SLC10A7: variants seen among roughly 807,000 people sequenced by gnomAD.
The protein encoded by SLC10A7 is sodium/bile acid cotransporter 7.
SLC10A7 carries 29 observed loss-of-function variants against 43.2 expected under a neutral mutation model. That is an observed-to-expected ratio of 0.67 (90% CI 0.50 to 0.92). The LOEUF (loss-of-function observed/expected upper bound fraction) is 0.92, where lower values mean the gene tolerates loss of function less well. Among genes scored for constraint, SLC10A7 ranks in the 40% least tolerant of loss-of-function variants. The pLI is 0.00. For synonymous variants in SLC10A7, 152 were observed against 144.8 expected (o/e 1.05, Z -0.35); for missense variants, 295 against 403.2 (o/e 0.73, Z 2.30).
chr4:146,418,967 T>C (rs548867246), intron 5 of SLC10A7, among the ~76,000 whole-genome samples: 18 of 152,158 alleles, frequency 1.2e-4, no homozygotes, highest in Non-Finnish European at 2.4e-4. Flanking sequence ...GTTTGCCAGA[T>C]TATGATAAAG....
intron 4 of SLC10A7, among the ~76,000 whole-genome samples, chr4:146,496,561 A>G (rs902842197): frequency 2.0e-5 from 3 of 152,170 alleles, no homozygotes; most frequent in Non-Finnish European, 4.4e-5. Context: ...TCAGGGGGAA[A>G]GCAGGTCTTA....
chr4:146,487,114 G>C lies in SLC10A7; in HGVS notation c.396+16735C>G, dbSNP rs573544151. ...CCTTCTCTACTAGACCCATTCTCTT[G>C]TATCTTTCAGCCAGTTTGAGTACCT... On this transcript the variant is annotated intron_variant, in intron 4 of 11. Transcript: ENST00000335472. 2.6e-5 allele frequency among the ~76,000 whole-genome samples: 4 copies of C among 152,228 alleles called. No homozygotes were observed. The East Asian group carries it at 7.7e-4, about 29-fold the overall frequency.
At chr4:146,510,966 A>G (rs936355033) in intron 2 of SLC10A7, among the ~76,000 whole-genome samples, 2 of 152,242 alleles carry the variant, frequency 1.3e-5, no homozygotes, top group Non-Finnish European at 2.9e-5. Flanking sequence ...GCTTTATGCC[A>G]TAATCTGAGC....
chr4:146,515,197 A>C, intron 2 of SLC10A7: 1 of 702,334 alleles, frequency 1.4e-6, no homozygotes, highest in Non-Finnish European at 2.6e-6. Flanking sequence ...TTCCCATGGC[A>C]CAAGTAACAG....
intron 7 of SLC10A7, among the ~76,000 whole-genome samples, chr4:146,304,742 G>A (rs972919366): frequency 5.3e-5 from 8 of 152,130 alleles, no homozygotes; most frequent in African/African-American, 1.9e-4. Flanking sequence ...TTGGGGTGGA[G>A]AGTTCTGTAG....
intron 5 of SLC10A7, among the ~76,000 whole-genome samples, chr4:146,363,994 G>C (rs956076956): frequency 6.6e-6 from 1 of 151,642 alleles, no homozygotes; most frequent in Admixed American, 6.6e-5. Flanking sequence ...GAAAAGAAAA[G>C]ATAAAGATCA....
chr4:146,321,294 C>A (rs1732688380), intron 6 of SLC10A7, among the ~76,000 whole-genome samples: 1 of 152,050 alleles, frequency 6.6e-6, no homozygotes. Flanking sequence ...TGCCAGCAAT[C>A]TTTGGTATTT....
chr4:146,304,178 A>G (rs1261149341), intron 7 of SLC10A7, among the ~76,000 whole-genome samples: 2 of 50,948 alleles, frequency 3.9e-5, no homozygotes, highest in East Asian at 4.8e-4. Context: ...AAGAATGACA[A>G]AGTAAACCCT....
chr4:146,340,883 G>A (rs753984539), intron 5 of SLC10A7, among the ~76,000 whole-genome samples: 8 of 151,680 alleles, frequency 5.3e-5, no homozygotes, highest in Non-Finnish European at 8.9e-5. Context: ...CAATCATCTG[G>A]TAAATCACAT....
intron 5 of SLC10A7, among the ~76,000 whole-genome samples, chr4:146,340,087 A>G (rs1349835771): frequency 6.6e-6 from 1 of 151,826 alleles, no homozygotes; most frequent in African/African-American, 2.4e-5. Context: ...AATTTTAAAC[A>G]GGTTTCTCCT....
At chr4:146,521,348 C>A (rs1257745522) in intron 1 of SLC10A7, among the ~76,000 whole-genome samples, 1 of 152,168 alleles carries the variant, frequency 6.6e-6, no homozygotes, top group African/African-American at 2.4e-5. Context: ...GAGTAAGTTT[C>A]ATTCTCTGTA....
At chr4:146,393,636 G>A (rs1450950112) in intron 5 of SLC10A7, among the ~76,000 whole-genome samples, 1 of 152,182 alleles carries the variant, frequency 6.6e-6, no homozygotes, top group African/African-American at 2.4e-5. Context: ...GGCATACTGA[G>A]TAATTTCTAT....
chr4:146,285,752 T>C (rs1199845262), intron 9 of SLC10A7, among the ~76,000 whole-genome samples: 1 of 152,162 alleles, frequency 6.6e-6, no homozygotes, highest in Non-Finnish European at 1.5e-5. Context: ...TATGCTAGAT[T>C]TGTAGTGGTG....
intron 5 of SLC10A7, among the ~76,000 whole-genome samples, chr4:146,355,555 C>G (rs1283569959): frequency 8.6e-4 from 131 of 151,568 alleles, no homozygotes; most frequent in African/African-American, 2.6e-3. Context: ...ACCCAAATGA[C>G]TATAAATCAT....
At chr4:146,377,473 G>T (rs1426583996) in intron 5 of SLC10A7, among the ~76,000 whole-genome samples, 4 of 152,128 alleles carry the variant, frequency 2.6e-5, no homozygotes, top group African/African-American at 9.7e-5. Context: ...CCCAGCCCTG[G>T]CACACACTCA....
At chr4:146,340,093 CT>C (rs1167358858) in intron 5 of SLC10A7, among the ~76,000 whole-genome samples, 12 of 151,784 alleles carry the variant, frequency 7.9e-5, no homozygotes, top group African/African-American at 2.7e-4. Flanking sequence ...AAACAGGTTT[CT>C]CCTTAATAAT....
At chr4:146,451,079 T>C (rs889631226) in intron 4 of SLC10A7, among the ~76,000 whole-genome samples, 1 of 151,366 alleles carries the variant, frequency 6.6e-6, no homozygotes, top group Non-Finnish European at 1.5e-5. Context: ...TTAACACTTT[T>C]AGAAGAAAAT....
chr4:146,519,053 C>A (rs1738299457), intron 1 of SLC10A7, among the ~76,000 whole-genome samples: 1 of 106,332 alleles, frequency 9.4e-6, no homozygotes, highest in Non-Finnish European at 1.8e-5. Context: ...AGACCAAGCT[C>A]AGGAAAAATC....
At chr4:146,379,436 T>TA (rs1324933268) in intron 5 of SLC10A7, among the ~76,000 whole-genome samples, 2 of 152,166 alleles carry the variant, frequency 1.3e-5, no homozygotes, top group African/African-American at 2.4e-5. Flanking sequence ...AGACCTCCAA[T>TA]AAAAAAGTTA....
Sources: gnomAD v4.1 joint callset for allele counts (sites outside exome capture counted in the v4.1 genomes callset) on GRCh38, gnomAD v4.1.1 for gene constraint, MANE v1.5 for transcripts, NCBI Gene and HGNC (gene_info 2026-07-23, HGNC 2026-07-21) for gene names.